The following SV2C variants were observed in gnomAD, a reference collection of about 807,000 sequenced individuals.
SV2C encodes solute carrier family 22 member B3.
SV2C carries 49 observed loss-of-function variants against 79.7 expected under a neutral mutation model. That is an observed-to-expected ratio of 0.61 (90% CI 0.49 to 0.78). The LOEUF is 0.78. Ranked by LOEUF, SV2C falls within the 30% of genes least tolerant of loss-of-function variation. The pLI is 0.00. For missense variants in SV2C, 833 were observed against 912.9 expected, an observed-to-expected ratio of 0.91 and a Z score of 1.13; for synonymous variants, 334 against 333.2, an observed-to-expected ratio of 1.00 and a Z score of -0.03.
At position 76,329,896 on chromosome 5, in the gene SV2C, T is replaced by C. The variant is rs1749123590; in HGVS notation, c.*4349T>C. ...ATATCGGCTGTATGTTAGGTTTTCT[T>C]TAATCCTCACATCGTGCCAAACTTA... On this transcript the variant is annotated 3_prime_UTR_variant, in exon 13 of 13. Transcript: ENST00000502798. 1 of 151,484 alleles carries C rather than the reference T, an allele frequency of 6.6e-6. No individual in the cohort carries two copies. Among genetic ancestry groups the C allele is most frequent in the African/African-American group, 2.4e-5 (1 of 41,330 alleles). 9.4% of individuals were successfully genotyped at this position (151,484 alleles called of 1,614,324 possible). A position where few individuals can be genotyped will look rare whatever the true frequency, so the allele number is the denominator to read the frequency against.
the SV2C span, among the ~76,000 whole-genome samples, chr5:75,999,229 G>A: frequency 1.3e-5 from 2 of 152,030 alleles, no homozygotes; most frequent in African/African-American, 4.8e-5. Context: ...AGATTTGGGT[G>A]GGGACACAGC....
At chr5:76,309,658 A>G (rs1017568551) in intron 12 of SV2C, among the ~76,000 whole-genome samples, 4 of 151,122 alleles carry the variant, frequency 2.6e-5, no homozygotes, top group Non-Finnish European at 5.9e-5. Flanking sequence ...TAGGTTGGAA[A>G]GGGGAAAAGT....
the SV2C span, among the ~76,000 whole-genome samples, chr5:75,896,136 A>G: frequency 6.6e-6 from 1 of 151,908 alleles, no homozygotes; most frequent in Admixed American, 6.6e-5. Context: ...ATATGTATAC[A>G]TGTGCCATGC....
chr5:76,217,450 A>G (rs909938356), intron 4 of SV2C, among the ~76,000 whole-genome samples: 1 of 152,192 alleles, frequency 6.6e-6, no homozygotes, highest in Non-Finnish European at 1.5e-5. Flanking sequence ...AAAGAGGTAT[A>G]AAGTGAGAGG....
the SV2C span, among the ~76,000 whole-genome samples, chr5:75,894,404 C>G: frequency 6.6e-6 from 1 of 152,024 alleles, no homozygotes; most frequent in Non-Finnish European, 1.5e-5. Flanking sequence ...TTGCCCTATT[C>G]TGATCCTGTT....
chr5:75,899,308 G>A, the SV2C span, among the ~76,000 whole-genome samples: 1 of 152,120 alleles, frequency 6.6e-6, no homozygotes, highest in Non-Finnish European at 1.5e-5. Flanking sequence ...CTTTATTTCT[G>A]CCTTCATTTC....
At chr5:75,988,099 G>A in the SV2C span, among the ~76,000 whole-genome samples, 2 of 152,082 alleles carry the variant, frequency 1.3e-5, no homozygotes, top group African/African-American at 4.8e-5. Context: ...GACTTTCACT[G>A]TGAGTTCATG....
At chr5:76,234,844 C>T (rs762589640) in intron 4 of SV2C, among the ~76,000 whole-genome samples, 1 of 152,118 alleles carries the variant, frequency 6.6e-6, no homozygotes, top group Non-Finnish European at 1.5e-5. Context: ...AAAGGTGACA[C>T]GAGTGAGGGA....
intron 2 of SV2C, among the ~76,000 whole-genome samples, chr5:76,190,989 A>G (rs1002145566): frequency 3.9e-5 from 6 of 152,160 alleles, no homozygotes; most frequent in East Asian, 1.9e-4. Flanking sequence ...GTGTAAGTCA[A>G]TTCTCACACT....
chr5:76,025,812 G>T, the SV2C span, among the ~76,000 whole-genome samples: 3 of 152,122 alleles, frequency 2.0e-5, no homozygotes, highest in African/African-American at 7.2e-5. Flanking sequence ...TTTGGGGAAG[G>T]CAGTCAAAGC....
chr5:75,911,370 A>G, the SV2C span: 75 of 1,225,568 alleles, frequency 6.1e-5, no homozygotes, highest in South Asian at 9.4e-4. Flanking sequence ...AAGGATCTGA[A>G]CAACCAAAGA....
intron 12 of SV2C, among the ~76,000 whole-genome samples, chr5:76,324,328 G>A (rs1224844913): frequency 6.6e-6 from 1 of 152,038 alleles, no homozygotes; most frequent in South Asian, 2.1e-4. Flanking sequence ...TGAAATTATG[G>A]GAATTTACAA....
At chr5:76,305,712 AT>A (rs936642138) in intron 12 of SV2C, among the ~76,000 whole-genome samples, 7 of 152,356 alleles carry the variant, frequency 4.6e-5, no homozygotes, top group African/African-American at 1.7e-4. Context: ...GCCAAAAAAA[AT>A]GAAACAACCA....
chr5:76,275,169 T>C (rs1314890909), intron 4 of SV2C, among the ~76,000 whole-genome samples: 1 of 152,174 alleles, frequency 6.6e-6, no homozygotes, highest in African/African-American at 2.4e-5. Context: ...ATTTCATTAA[T>C]AATATCACAT....
At chr5:76,142,389 T>A (rs1423342351) in intron 2 of SV2C, among the ~76,000 whole-genome samples, 1 of 152,230 alleles carries the variant, frequency 6.6e-6, no homozygotes, top group Non-Finnish European at 1.5e-5. Flanking sequence ...CATCTCTCTG[T>A]CTTGATTCTG....
At chr5:76,288,878 T>C (rs539805919) in intron 6 of SV2C, among the ~76,000 whole-genome samples, 1 of 152,260 alleles carries the variant, frequency 6.6e-6, no homozygotes, top group South Asian at 2.1e-4. Flanking sequence ...CCTTTTCTTT[T>C]TTTTTTTTCC....
chr5:76,131,901 G>A lies in SV2C; in HGVS notation c.151G>A (p.Asp51Asn). Reference sequence around the variant, plus strand: ...CCAGAGGTCCTACAGTCGGTTCCAAGATGAAGAAGATGATGATGACTACTA... The same window carrying A: ...CCAGAGGTCCTACAGTCGGTTCCAAAATGAAGAAGATGATGATGACTACTA... Reference protein sequence around the residue: ...YTQRSYSRFQDEEDDDDYYPA... With the variant: ...YTQRSYSRFQNEEDDDDYYPA... Residue 51 changes from aspartate (D) to asparagine (N), a missense_variant, in exon 2 of 13, where the codon GAT becomes AAT. Transcript: ENST00000502798. 6.2e-7 allele frequency: 1 copy of A among 1,614,086 alleles called. No homozygotes were observed. Among genetic ancestry groups the A allele is most frequent in the Non-Finnish European group, 8.5e-7 (1 of 1,180,012 alleles).
At chr5:76,071,963 C>G in the SV2C span, among the ~76,000 whole-genome samples, 1 of 152,164 alleles carries the variant, frequency 6.6e-6, no homozygotes, top group Non-Finnish European at 1.5e-5. Flanking sequence ...AGCTATAAAT[C>G]ATCTGGATAC....
chr5:76,285,093 C>A lies in SV2C; in HGVS notation c.914-69C>A. 7 of 1,589,888 alleles carry A rather than the reference C, an allele frequency of 4.4e-6. No individual in the cohort carries two copies. The South Asian group carries it at 7.0e-5, about 16-fold the overall frequency. On this transcript the variant is annotated intron_variant, in intron 4 of 12. Transcript: ENST00000502798. ...ACTAATAAGTCCATGGTTCGGGCAT[C>A]CCGGGTGATGTTCCCAGGAGGCTGT...
Sources: gnomAD v4.1 joint callset for allele counts (sites outside exome capture counted in the v4.1 genomes callset) on GRCh38, gnomAD v4.1.1 for gene constraint, MANE v1.5 for transcripts, NCBI Gene and HGNC (gene_info 2026-07-23, HGNC 2026-07-21) for gene names.